Variants in GALNT13 observed in about 807,000 individuals in gnomAD.
GALNT13 encodes the protein polypeptide N-acetylgalactosaminyltransferase 13, also known as UDP-GalNAc:polypeptide N-acetylgalactosaminyltransferase 13.
Under a neutral mutation model 64.2 loss-of-function variants are expected in GALNT13, and 28 were observed. The observed-to-expected ratio is 0.44, with a 90% confidence interval of 0.32 to 0.60. GALNT13 has a LOEUF of 0.60. GALNT13 is among the 20% of genes least tolerant of loss of function. GALNT13 has a pLI of 0.05. For synonymous variants in GALNT13, 214 were observed against 224.6 expected, an observed-to-expected ratio of 0.95 and a Z score of 0.42; for missense variants, 577 against 669.8, an observed-to-expected ratio of 0.86 and a Z score of 1.53.
chr2:154,248,141 G>A (rs1354795735), intron 7 of GALNT13, among the ~76,000 whole-genome samples: 1 of 152,068 alleles, frequency 6.6e-6, no homozygotes, highest in Non-Finnish European at 1.5e-5. Context: ...TGTCAGTTAT[G>A]ATAGAACTTT....
intron 3 of GALNT13, among the ~76,000 whole-genome samples, chr2:153,986,076 A>G (rs1694777652): frequency 6.6e-6 from 1 of 152,064 alleles, no homozygotes; most frequent in East Asian, 1.9e-4. Context: ...AATATCGGGC[A>G]TGAGACTATC....
At chr2:153,345,163 T>C in the GALNT13 span, among the ~76,000 whole-genome samples, 2 of 152,230 alleles carry the variant, frequency 1.3e-5, no homozygotes, top group African/African-American at 4.8e-5. Flanking sequence ...TTCTTGCTTT[T>C]TTCACACTAG....
intron 4 of GALNT13, among the ~76,000 whole-genome samples, chr2:154,189,847 A>G (rs530517173): frequency 2.0e-5 from 3 of 152,304 alleles, no homozygotes; most frequent in East Asian, 1.9e-4. Context: ...ATTAGTAAAA[A>G]TAGCCTCACC....
the GALNT13 span, among the ~76,000 whole-genome samples, chr2:153,784,592 C>T: frequency 4.7e-4 from 72 of 152,312 alleles, no homozygotes; most frequent in African/African-American, 1.7e-3. Context: ...GGCAGAGCAG[C>T]CACTCAGGCA....
At chr2:154,450,356 G>A (rs1701825709) in intron 12 of GALNT13, 55 bp from the exon 13 acceptor site, 2 of 1,479,302 alleles carry the variant, frequency 1.4e-6, no homozygotes, top group Non-Finnish European at 9.2e-7. Context: ...TATCTGATGT[G>A]CTAGCAAAGC....
At chr2:153,681,908 T>C in the GALNT13 span, among the ~76,000 whole-genome samples, 1 of 151,776 alleles carries the variant, frequency 6.6e-6, no homozygotes, top group African/African-American at 2.4e-5. Flanking sequence ...AAATTTACTA[T>C]CACTCAATAC....
the GALNT13 span, among the ~76,000 whole-genome samples, chr2:153,111,449 A>G: frequency 1.3e-5 from 2 of 152,106 alleles, no homozygotes; most frequent in Admixed American, 1.3e-4. Flanking sequence ...TACAAGTAGA[A>G]ATAGGGATGT....
intron 4 of GALNT13, among the ~76,000 whole-genome samples, chr2:154,143,528 T>G (rs1683386546): frequency 6.8e-6 from 1 of 147,546 alleles, no homozygotes; most frequent in Non-Finnish European, 1.5e-5. Flanking sequence ...AGCTAATGTT[T>G]AAAATATTCA....
At chr2:153,204,842 T>C in the GALNT13 span, among the ~76,000 whole-genome samples, 1 of 152,152 alleles carries the variant, frequency 6.6e-6, no homozygotes, top group African/African-American at 2.4e-5. Context: ...CATTACACTG[T>C]TAAAAGGTAT....
the GALNT13 span, chr2:153,478,403 G>A: frequency 6.2e-7 from 1 of 1,614,166 alleles, no homozygotes. Flanking sequence ...TGCACCACGC[G>A]CATTATGTAC....
intron 9 of GALNT13, among the ~76,000 whole-genome samples, chr2:154,361,062 G>A (rs1559112799): frequency 6.6e-6 from 1 of 152,042 alleles, no homozygotes; most frequent in Non-Finnish European, 1.5e-5. Context: ...GGGGAAGAAA[G>A]TAAAGTGATC....
chr2:153,142,253 T>G, the GALNT13 span, among the ~76,000 whole-genome samples: 2 of 152,042 alleles, frequency 1.3e-5, no homozygotes, highest in African/African-American at 4.8e-5. Context: ...CTACTTAATG[T>G]TAACACTGCT....
At chr2:153,429,239 T>C in the GALNT13 span, among the ~76,000 whole-genome samples, 1 of 152,182 alleles carries the variant, frequency 6.6e-6, no homozygotes, top group East Asian at 1.9e-4. Context: ...AGTCAAAATA[T>C]TTGTTGGCAT....
At chr2:153,438,194 A>C in the GALNT13 span, among the ~76,000 whole-genome samples, 1 of 152,162 alleles carries the variant, frequency 6.6e-6, no homozygotes, top group East Asian at 1.9e-4. Flanking sequence ...CTGAGAGATC[A>C]GCTGTTAGTC....
chr2:153,521,982 T>G, the GALNT13 span, among the ~76,000 whole-genome samples: 2 of 152,198 alleles, frequency 1.3e-5, no homozygotes, highest in Admixed American at 1.3e-4. Flanking sequence ...TTGGAAATTA[T>G]GAACTAAACT....
chr2:153,604,180 T>C, the GALNT13 span, among the ~76,000 whole-genome samples: 1 of 152,082 alleles, frequency 6.6e-6, no homozygotes, highest in Admixed American at 6.6e-5. Context: ...CCAAGTAATA[T>C]TCTGACAACT....
chr2:154,147,875 ATTTC>A (rs1683714090), intron 4 of GALNT13, among the ~76,000 whole-genome samples: 1 of 143,532 alleles, frequency 7.0e-6, no homozygotes, highest in South Asian at 2.2e-4. Flanking sequence ...GTGTTCTTAT[ATTTC>A]TTTCTTTTTT....
chr2:154,181,637 T>C (rs1406407205), intron 4 of GALNT13, among the ~76,000 whole-genome samples: 1 of 152,100 alleles, frequency 6.6e-6, no homozygotes, highest in African/African-American at 2.4e-5. Context: ...TCTTTTTCTG[T>C]TCACAGTAAA....
Position 154,242,134 on chromosome 2 carries a change from T to G in GALNT13, c.416T>G (p.Ile139Arg), listed in dbSNP as rs1221483684. 1 of 1,612,724 alleles carries G rather than the reference T, an allele frequency of 6.2e-7. No homozygotes were observed. Among genetic ancestry groups the G allele is most frequent in the Non-Finnish European group, 8.5e-7 (1 of 1,179,068 alleles). Residue 139 changes from isoleucine to arginine, a missense_variant, in exon 5 of 13, where the codon ATA becomes AGA. Physicochemically the swap from Ile to Arg is moderately conservative, Grantham distance 97. Transcript: ENST00000392825. ...STLLRTVYSVINRSPHYLLSE... is the reference protein window; with the variant it reads ...STLLRTVYSVRNRSPHYLLSE... The stretch of plus-strand genomic sequence containing the variant: ...CTCCTTAGAACTGTTTACAGTGTGA[T>G]AAATCGTTCCCCACACTATCTACTC...
Sources: gnomAD v4.1 joint callset for allele counts (sites outside exome capture counted in the v4.1 genomes callset) on GRCh38, gnomAD v4.1.1 for gene constraint, MANE v1.5 for transcripts, NCBI Gene and HGNC (gene_info 2026-07-23, HGNC 2026-07-21) for gene names.